The following TNFRSF10D variants were observed in gnomAD, a reference collection of about 807,000 sequenced individuals.
TNFRSF10D encodes TNF receptor superfamily member 10d.
A neutral mutation model predicts 42.1 loss-of-function variants in TNFRSF10D; 28 were observed. The observed-to-expected ratio is 0.66, with a 90% CI of 0.49 to 0.91. The LOEUF is 0.91. Ranked by LOEUF, TNFRSF10D falls within the 40% of genes least tolerant of loss-of-function variation. The pLI is 0.00. For missense variants in TNFRSF10D, 503 were observed against 486.1 expected (o/e 1.03, Z -0.33); for synonymous variants, 186 against 189.4 (o/e 0.98, Z 0.15).
At chr8:23,154,282 CAA>C (rs1312082705) in intron 2 of TNFRSF10D, among the ~76,000 whole-genome samples, 1 of 152,150 alleles carries the variant, frequency 6.6e-6, no homozygotes, top group Admixed American at 6.5e-5. Flanking sequence ...GAAATAAATT[CAA>C]GAGATGTATT....
At chr8:23,146,428 G>T (rs1012839027) in intron 4 of TNFRSF10D, among the ~76,000 whole-genome samples, 1 of 152,192 alleles carries the variant, frequency 6.6e-6, no homozygotes, top group Non-Finnish European at 1.5e-5. Flanking sequence ...AGAAATCGGG[G>T]GCCAGGGGTG....
chr8:23,141,640 C>T (rs977860974), intron 7 of TNFRSF10D, among the ~76,000 whole-genome samples: 3 of 152,048 alleles, frequency 2.0e-5, no homozygotes, highest in African/African-American at 7.3e-5. Flanking sequence ...AAAACAACCC[C>T]ATTAAAAATG....
chr8:23,148,636 C>T, intron 2 of TNFRSF10D, 85 bp from the exon 3 acceptor site: 1 of 968,460 alleles, frequency 1.0e-6, no homozygotes, highest in South Asian at 1.4e-5. Context: ...TCTTTTGGCC[C>T]TCAGTGGAAT....
chr8:23,156,461 GA>G (rs1563362227), intron 1 of TNFRSF10D, among the ~76,000 whole-genome samples: 613 of 151,594 alleles, frequency 4.0e-3, no homozygotes, highest in African/African-American at 0.013. Context: ...CTCCCTTCTA[GA>G]GCTGGGGTCC....
At chr8:23,151,640 G>A (rs1800213710) in intron 2 of TNFRSF10D, among the ~76,000 whole-genome samples, 2 of 152,190 alleles carry the variant, frequency 1.3e-5, no homozygotes, top group Non-Finnish European at 2.9e-5. Context: ...CGTAAATAAT[G>A]ACAAAACATA....
chr8:23,161,506 C>T (rs1800366819), intron 1 of TNFRSF10D, among the ~76,000 whole-genome samples: 3 of 152,156 alleles, frequency 2.0e-5, no homozygotes, highest in Admixed American at 6.5e-5. Flanking sequence ...CATTTACAGG[C>T]GTGGCAGGTG....
chr8:23,140,112 ACC>A (rs1357606133), intron 7 of TNFRSF10D, among the ~76,000 whole-genome samples: 8 of 152,160 alleles, frequency 5.3e-5, no homozygotes, highest in African/African-American at 1.4e-4. Context: ...ACACGGTGAA[ACC>A]CCACCTCTAC....
chr8:23,147,615 C>G (rs1044730828), intron 3 of TNFRSF10D, among the ~76,000 whole-genome samples: 2 of 152,194 alleles, frequency 1.3e-5, no homozygotes, highest in Non-Finnish European at 2.9e-5. Flanking sequence ...GATTTCCCAG[C>G]CTGGTGGCAT....
intron 2 of TNFRSF10D, among the ~76,000 whole-genome samples, chr8:23,149,061 G>C (rs1427617608): frequency 6.6e-6 from 1 of 150,562 alleles, no homozygotes; most frequent in Non-Finnish European, 1.5e-5. Flanking sequence ...GTGGTGGCAG[G>C]CACCTGTAAT....
chr8:23,161,473 CCT>C (rs1800366482), intron 1 of TNFRSF10D, among the ~76,000 whole-genome samples: 1 of 152,232 alleles, frequency 6.6e-6, no homozygotes, highest in Non-Finnish European at 1.5e-5. Context: ...CTCCTGACAG[CCT>C]GAAGATGGAG....
In TNFRSF10D at chr8:23,144,578, G is replaced by C. The variant is rs143212880; in HGVS notation, c.826C>G (p.Arg276Gly). 1 of 1,614,154 alleles carries C rather than the reference G, an allele frequency of 6.2e-7. No homozygotes were observed. The highest frequency in any genetic ancestry group is 8.5e-7 in the Non-Finnish European group (1 of 1,180,016). ...SRVPGAEDNA[R>G]NETLSNRYLQ... ...TATCTGTTACTCAGGGTCTCGTTGCGGGCATTGTCCTCCGCCCCAGGAACT... is the reference window on the plus strand; with the variant it reads ...TATCTGTTACTCAGGGTCTCGTTGCCGGCATTGTCCTCCGCCCCAGGAACT... The change falls in exon 7 of 9, where the codon CGC becomes GGC. Residue 276 changes from arginine (R) to glycine (G), a missense_variant. By Grantham distance (125) the Arg-to-Gly change is moderately radical. Coordinates refer to ENST00000312584, the MANE Select transcript of TNFRSF10D (RefSeq NM_003840.5).
chr8:23,148,513 A>G lies in TNFRSF10D; in HGVS notation c.295T>C (p.Cys99Arg). The change falls in exon 3 of 9, where the codon TGC (cysteine) becomes CGC (arginine). Residue 99 changes from cysteine to arginine, a missense_variant. Transcript: ENST00000312584. ...ATGGTGTAATCCACACCCTCTGTGCACGGGTTACAGGCTCCAGTATATTCT... is the reference window on the plus strand; with the variant it reads ...ATGGTGTAATCCACACCCTCTGTGCGCGGGTTACAGGCTCCAGTATATTCT... ...RSEYTGACNP[C>R]TEGVDYTIAS... 1 of 1,610,730 alleles carries G rather than the reference A, an allele frequency of 6.2e-7. No individual in the cohort carries two copies. The highest frequency in any genetic ancestry group is 1.7e-5 in the Admixed American group (1 of 59,926).
At chr8:23,158,285 C>T (rs1229635765) in intron 1 of TNFRSF10D, among the ~76,000 whole-genome samples, 7 of 152,202 alleles carry the variant, frequency 4.6e-5, no homozygotes, top group Non-Finnish European at 7.3e-5. Context: ...GCTGTGGACC[C>T]ATACGGATTC....
At chr8:23,143,352 G>C (rs1032852605) in intron 7 of TNFRSF10D, among the ~76,000 whole-genome samples, 1 of 151,904 alleles carries the variant, frequency 6.6e-6, no homozygotes, top group African/African-American at 2.4e-5. Flanking sequence ...AGCGCGGCCA[G>C]GTGCAGTGGC....
At chr8:23,159,507 A>G (rs1563363507) in intron 1 of TNFRSF10D, among the ~76,000 whole-genome samples, 1 of 152,156 alleles carries the variant, frequency 6.6e-6, no homozygotes, top group South Asian at 2.1e-4. Flanking sequence ...ACTTGGTCCA[A>G]TTCAATATAT....
At chr8:23,157,692 T>G (rs1388986693) in intron 1 of TNFRSF10D, among the ~76,000 whole-genome samples, 1 of 152,248 alleles carries the variant, frequency 6.6e-6, no homozygotes. Context: ...TGCAGCTGTA[T>G]TACTAGGCAT....
chr8:23,135,837 A>G lies in TNFRSF10D; in HGVS notation c.*2033T>C. On this transcript the variant is annotated 3_prime_UTR_variant, in exon 9 of 9. Coordinates refer to ENST00000312584, the MANE Select transcript of TNFRSF10D (RefSeq NM_003840.5). ...CTGAGGAAGGGACAAAGGAGCTGGG[A>G]CCGGACTGGCTCTCTCTGAGCTTTG... 2.2e-6 allele frequency: 1 copy of G among 447,622 alleles called. No individual in the cohort carries two copies. Among genetic ancestry groups the G allele is most frequent in the South Asian group, 1.6e-5 (1 of 63,282 alleles). The allele number at this position is 447,622 out of a possible 1,614,324, so 27.7% of individuals were successfully genotyped here. A position where few individuals can be genotyped will look rare whatever the true frequency, so the allele number is the denominator to read the frequency against.
intron 1 of TNFRSF10D, among the ~76,000 whole-genome samples, chr8:23,155,424 A>G (rs909729357): frequency 6.6e-6 from 1 of 152,092 alleles, no homozygotes; most frequent in African/African-American, 2.4e-5. Flanking sequence ...AAAAGATTTT[A>G]TAAGAACACA....
chr8:23,148,064 CCCAAA>C (rs1800149198), intron 3 of TNFRSF10D, among the ~76,000 whole-genome samples: 1 of 49,214 alleles, frequency 2.0e-5, no homozygotes, highest in African/African-American at 1.0e-4. Flanking sequence ...GACTCCGTCT[CCCAAA>C]AAAAAAAAAA....
Sources: gnomAD v4.1 joint callset for allele counts (sites outside exome capture counted in the v4.1 genomes callset) on GRCh38, gnomAD v4.1.1 for gene constraint, MANE v1.5 for transcripts, NCBI Gene and HGNC (gene_info 2026-07-23, HGNC 2026-07-21) for gene names.